The following GRIA1 variants were observed in gnomAD, a reference collection of about 807,000 sequenced individuals.
GRIA1 encodes glutamate receptor 1.
Under a neutral mutation model 99.2 loss-of-function variants are expected in GRIA1, and 31 were observed. The ratio of observed to expected loss-of-function variants is 0.31; its 90% CI spans 0.23 to 0.42. GRIA1 has a LOEUF of 0.42. GRIA1 is among the 10% of genes least tolerant of loss of function. The pLI is 1.00. For synonymous variants in GRIA1, 438 were observed against 432.4 expected (o/e 1.01, Z -0.16); for missense variants, 782 against 1,157.5 (o/e 0.68, Z 4.71).
At chr5:153,696,922 A>T (rs1259089658) in intron 8 of GRIA1, among the ~76,000 whole-genome samples, 3 of 151,826 alleles carry the variant, frequency 2.0e-5, no homozygotes, top group Non-Finnish European at 4.4e-5. Flanking sequence ...ACTTTCAATG[A>T]TCCCCTGTTG....
Position 153,776,511 on chromosome 5 carries a change from A to G in GRIA1, c.2270+6096A>G, listed in dbSNP as rs181907912. Among the ~76,000 whole-genome samples the G allele has an allele frequency of 3.1e-3, 477 of 152,282 alleles. 3 individuals carry two copies. Among genetic ancestry groups the G allele is most frequent in the Non-Finnish European group, 4.1e-3 (277 of 68,032 alleles). On this transcript the variant is annotated intron_variant, in intron 13 of 15. Coordinates refer to ENST00000285900, the MANE Select transcript of GRIA1 (RefSeq NM_000827.4). ...GGAAAGGACACAAGCTTTCCGGCAC[A>G]CCAGCAAGAATGATGAAGGCCGTCG...
intron 2 of GRIA1, among the ~76,000 whole-genome samples, chr5:153,580,198 G>A (rs891733169): frequency 2.0e-5 from 3 of 152,192 alleles, no homozygotes; most frequent in African/African-American, 7.2e-5. Flanking sequence ...TTACCAGAGA[G>A]GGAATCACAG....
At chr5:153,732,124 C>T (rs531439585) in intron 11 of GRIA1, among the ~76,000 whole-genome samples, 1 of 152,084 alleles carries the variant, frequency 6.6e-6, no homozygotes, top group Non-Finnish European at 1.5e-5. Flanking sequence ...TTCATTCATC[C>T]ATCCATGAAT....
At chr5:153,624,678 T>A (rs530495938) in intron 2 of GRIA1, among the ~76,000 whole-genome samples, 2 of 152,302 alleles carry the variant, frequency 1.3e-5, no homozygotes, top group Admixed American at 1.3e-4. Context: ...GGGAAAAAAA[T>A]TGATAGTATT....
At chr5:153,699,210 G>T in intron 10 of GRIA1, 137 bp downstream of exon 10, 1 of 678,064 alleles carries the variant, frequency 1.5e-6, no homozygotes, top group East Asian at 2.7e-5. Context: ...GAACAGATGA[G>T]TCATCCAAAA....
chr5:153,516,258 C>T (rs1025424011), intron 2 of GRIA1, among the ~76,000 whole-genome samples: 28 of 151,704 alleles, frequency 1.8e-4, no homozygotes, highest in African/African-American at 6.5e-4. Context: ...ATCTACTTCT[C>T]AGGCATAAAT....
intron 9 of GRIA1, 119 bp from the exon 10 acceptor site, chr5:153,698,748 A>G (rs140420366): frequency 2.9e-6 from 2 of 686,272 alleles, no homozygotes; most frequent in Non-Finnish European, 5.3e-6. Flanking sequence ...AAGTGAATTG[A>G]GGGGCTAGAG....
intron 4 of GRIA1, 81 bp from the exon 5 acceptor site, chr5:153,655,738 A>G: frequency 1.7e-6 from 2 of 1,187,544 alleles, no homozygotes; most frequent in Non-Finnish European, 2.5e-6. Flanking sequence ...AGCACTCGAT[A>G]TCAGCTGCCG....
chr5:153,650,358 T>TACAGCTGCTGAGAAGAACTGGCAGGTG lies in GRIA1; in HGVS notation c.495_521dup (p.Ala166_Ala174dup). ...TATCCGTCCTGCAGAAAGTCCTGGA[T>TACAGCTGCTGAGAAGAACTGGCAGGTG]ACAGCTGCTGAGAAGAACTGGCAGG... On this transcript the variant is annotated inframe_insertion, in exon 4 of 16. Coordinates refer to ENST00000285900, the MANE Select transcript of GRIA1 (RefSeq NM_000827.4). The TACAGCTGCTGAGAAGAACTGGCAGGTG allele has an allele frequency of 6.2e-7, 1 of 1,613,930 alleles. No homozygotes were observed. The highest frequency in any genetic ancestry group is 8.5e-7 in the Non-Finnish European group (1 of 1,179,888).
intron 8 of GRIA1, among the ~76,000 whole-genome samples, chr5:153,691,233 G>T (rs1757725272): frequency 6.6e-6 from 1 of 152,112 alleles, no homozygotes; most frequent in Admixed American, 6.6e-5. Context: ...CTTCACTATG[G>T]GGTACTGATT....
intron 2 of GRIA1, among the ~76,000 whole-genome samples, chr5:153,509,691 C>T (rs1021366265): frequency 6.6e-6 from 1 of 152,160 alleles, no homozygotes; most frequent in Non-Finnish European, 1.5e-5. Context: ...ATTGACTTAA[C>T]CTCTCAAAGC....
chr5:153,722,027 G>A (rs917456779), intron 11 of GRIA1, among the ~76,000 whole-genome samples: 2 of 152,188 alleles, frequency 1.3e-5, no homozygotes, highest in Non-Finnish European at 2.9e-5. Context: ...AAGTAGATGA[G>A]TTGTAGGATC....
At chr5:153,495,486 C>T (rs1276425916) in intron 2 of GRIA1, among the ~76,000 whole-genome samples, 2 of 152,092 alleles carry the variant, frequency 1.3e-5, no homozygotes, top group African/African-American at 2.4e-5. Context: ...TTATGGTACC[C>T]TAATCAACTA....
intron 12 of GRIA1, among the ~76,000 whole-genome samples, chr5:153,765,081 A>G (rs1224738009): frequency 1.3e-5 from 2 of 151,978 alleles, no homozygotes; most frequent in South Asian, 2.1e-4. Context: ...TATATGGGAA[A>G]AAAAAAACTG....
At chr5:153,528,034 G>A (rs796772289) in intron 2 of GRIA1, among the ~76,000 whole-genome samples, 1 of 152,132 alleles carries the variant, frequency 6.6e-6, no homozygotes, top group Admixed American at 6.6e-5. Flanking sequence ...CAGTTCATTT[G>A]CACATCTTTG....
Position 153,698,129 on chromosome 5 carries a change from G to A in GRIA1, c.1220G>A (p.Arg407Lys), listed in dbSNP as rs538137047. The A allele has an allele frequency of 7.5e-6, 12 of 1,602,478 alleles. No homozygotes were observed. The highest frequency in any genetic ancestry group is 9.4e-6 in the Non-Finnish European group (11 of 1,169,544). Residue 407 changes from arginine (R) to lysine (K), a missense_variant, in exon 9 of 16, where the codon AGA (arginine) becomes AAA (lysine). By Grantham distance (26) the Arg-to-Lys change is conservative. Transcript: ENST00000285900. ...AGGDNSSVQN[R>K]TYIVTTILED... ...GGCGATAATTCAAGTGTTCAGAACA[G>A]AACATACATCGTCACAACAATCCTA...
chr5:153,594,670 G>C (rs1048468598), intron 2 of GRIA1, among the ~76,000 whole-genome samples: 2 of 151,910 alleles, frequency 1.3e-5, no homozygotes, highest in Non-Finnish European at 2.9e-5. Flanking sequence ...GCTCTTATAA[G>C]TACCACAAAG....
rs1267776992 is a variant in GRIA1, at chr5:153,813,112, CT to C, written c.*1893del. On this transcript the variant is annotated 3_prime_UTR_variant, in exon 16 of 16. Coordinates refer to ENST00000285900, the MANE Select transcript of GRIA1 (RefSeq NM_000827.4). ...AATCCTTCCAAAATCAAACTCTTCACTTTTTTGACTCAAGTGTTGTTGTTCA... is the reference window on the plus strand; with the variant it reads ...AATCCTTCCAAAATCAAACTCTTCACTTTTTGACTCAAGTGTTGTTGTTCA... 6.6e-6 allele frequency: 1 copy of C among 152,334 alleles called. No individual in the cohort carries two copies. Among genetic ancestry groups the C allele is most frequent in the Non-Finnish European group, 1.5e-5 (1 of 68,044 alleles). 9.4% of individuals were successfully genotyped at this position (152,334 alleles called of 1,614,324 possible).
chr5:153,682,945 G>A (rs1420310945), intron 7 of GRIA1, among the ~76,000 whole-genome samples: 1 of 152,228 alleles, frequency 6.6e-6, no homozygotes, highest in Non-Finnish European at 1.5e-5. Context: ...CAGACTCTGA[G>A]CTGGCACCCA....
Sources: gnomAD v4.1 joint callset for allele counts (sites outside exome capture counted in the v4.1 genomes callset) on GRCh38, gnomAD v4.1.1 for gene constraint, MANE v1.5 for transcripts, NCBI Gene and HGNC (gene_info 2026-07-23, HGNC 2026-07-21) for gene names.